Variants in DEFB118 observed in about 807,000 individuals in gnomAD.
The protein encoded by DEFB118 is defensin, beta 18.
Under a neutral mutation model 2.8 loss-of-function variants are expected in DEFB118, and 3 were observed. The observed-to-expected ratio is 1.09, with a 90% CI of 0.50 to 2.82. The LOEUF is 2.82. Among genes scored for constraint, DEFB118 ranks in the 30% most tolerant of loss-of-function variants. The pLI, the probability that DEFB118 is intolerant of heterozygous loss-of-function variation, is 0.04. For missense variants in DEFB118, 159 were observed against 144.6 expected (o/e 1.10, Z -0.51); for synonymous variants, 63 against 53.5 (o/e 1.18, Z -0.78).
chr20:31,372,909 A>C lies in DEFB118; in HGVS notation c.111A>C (p.Gln37His). Reference protein sequence around the residue: ...CWNRSGHCRKQCKDGEAVKDT... With the variant: ...CWNRSGHCRKHCKDGEAVKDT... The stretch of plus-strand genomic sequence containing the variant: ...ACAGATCAGGGCACTGCAGGAAACA[A>C]TGCAAAGATGGAGAAGCAGTGAAAG... The change falls in exon 2 of 2, where the codon CAA becomes CAC. Residue 37 changes from glutamine to histidine, a missense_variant. By Grantham distance (24) the Gln-to-His change is conservative. Coordinates refer to ENST00000253381, the MANE Select transcript of DEFB118 (RefSeq NM_054112.3). The C allele has an allele frequency of 6.2e-7, 1 of 1,614,214 alleles. No homozygotes were observed. Among genetic ancestry groups the C allele is most frequent in the Non-Finnish European group, 8.5e-7 (1 of 1,180,022 alleles).
Position 31,373,077 on chromosome 20 carries a change from C to T in DEFB118, c.279C>T (p.Tyr93=), listed in dbSNP as rs560286972. 4 of 1,614,160 alleles carry T rather than the reference C, an allele frequency of 2.5e-6. No homozygotes were observed. The highest frequency in any genetic ancestry group is 2.2e-5 in the East Asian group (1 of 44,892). ...DILTVRFTTD[Y]FEVSSKKDMV... ...TAACAGTAAGGTTCACGACAGACTA[C>T]TTTGAAGTAAGCAGCAAGAAAGATA... Residue 93 remains tyrosine, a synonymous_variant, in exon 2 of 2, where the codon TAC becomes TAT. Coordinates refer to ENST00000253381, the MANE Select transcript of DEFB118 (RefSeq NM_054112.3).
rs143172639 is a variant in DEFB118 at position 31,373,089 on chromosome 20, C to G, written c.291C>G (p.Ser97Arg). 3 of 1,614,136 alleles carry G rather than the reference C, an allele frequency of 1.9e-6. No individual in the cohort carries two copies. The African/African-American group carries it at 4.0e-5, about 22-fold the overall frequency. Residue 97 changes from serine (S) to arginine (R), a missense_variant, in exon 2 of 2, where the codon AGC becomes AGG. Physicochemically the swap from Ser to Arg is moderately radical, Grantham distance 110 (BLOSUM62 -1). Coordinates refer to ENST00000253381, the MANE Select transcript of DEFB118 (RefSeq NM_054112.3). ...TCACGACAGACTACTTTGAAGTAAG[C>G]AGCAAGAAAGATATGGTTGAAGAGT... is the stretch of plus-strand genomic sequence containing the variant. Reference protein sequence around the residue: ...VRFTTDYFEVSSKKDMVEESE... With the variant: ...VRFTTDYFEVRSKKDMVEESE...
chr20:31,371,305 G>A (rs749821863), intron 1 of DEFB118, among the ~76,000 whole-genome samples: 19 of 151,888 alleles, frequency 1.3e-4, no homozygotes, highest in Non-Finnish European at 2.1e-4. Context: ...AAACCTCAAG[G>A]GAAGTCTTTC....
Position 31,372,975 on chromosome 20 carries a change from T to C in DEFB118, c.177T>C (p.Asn59=). Residue 59 remains asparagine (N), a synonymous_variant, in exon 2 of 2, where the codon AAT becomes AAC. Transcript: ENST00000253381. ...KNLRACCIPS[N]EDHRRVPATS... ...TTCGAGCTTGCTGCATTCCATCCAA[T>C]GAAGACCACAGGCGAGTTCCTGCGA... The C allele has an allele frequency of 3.1e-6, 5 of 1,614,172 alleles. No individual in the cohort carries two copies. Among genetic ancestry groups the C allele is most frequent in the Middle Eastern group, 1.6e-4 (1 of 6,062 alleles).
chr20:31,368,772 C>A, intron 1 of DEFB118, 64 bp downstream of exon 1: 1 of 1,475,390 alleles, frequency 6.8e-7, no homozygotes, highest in South Asian at 1.1e-5. Context: ...ATGAAAATTC[C>A]AATGTGTCAC....
chr20:31,368,723 G>A lies in DEFB118; in HGVS notation c.58+15G>A, dbSNP rs1986159187. On this transcript the variant is annotated intron_variant, in intron 1 of 1. Coordinates refer to ENST00000253381, the MANE Select transcript of DEFB118 (RefSeq NM_054112.3). ...AGTGATCCCAGGTAATCAGAGGTCA[G>A]GGAAGATACAAAAATAGAGGTATAG... 2 of 1,612,170 alleles carry A rather than the reference G, an allele frequency of 1.2e-6. No individual in the cohort carries two copies. Among genetic ancestry groups the A allele is most frequent in the Non-Finnish European group, 1.7e-6 (2 of 1,178,630 alleles).
chr20:31,372,842 C>G lies in DEFB118; in HGVS notation c.59-15C>G. ...CAGTAACCCAAAATCAATGGTCTTTCCTTTTATTATTCAGCCTATAGTGGT... is the reference window on the plus strand; with the variant it reads ...CAGTAACCCAAAATCAATGGTCTTTGCTTTTATTATTCAGCCTATAGTGGT... On this transcript the variant is annotated splice_polypyrimidine_tract_variant and intron_variant, in intron 1 of 1. Coordinates refer to ENST00000253381, the MANE Select transcript of DEFB118 (RefSeq NM_054112.3). 1 of 1,605,340 alleles carries G rather than the reference C, an allele frequency of 6.2e-7. No homozygotes were observed. Among genetic ancestry groups the G allele is most frequent in the Non-Finnish European group, 8.5e-7 (1 of 1,174,008 alleles).
chr20:31,370,876 G>A (rs752714565), intron 1 of DEFB118, among the ~76,000 whole-genome samples: 6 of 151,966 alleles, frequency 3.9e-5, no homozygotes, highest in South Asian at 4.2e-4. Context: ...TCAGCCTCCC[G>A]AGTAGCTGGA....
At chr20:31,369,572 T>C (rs1986178153) in intron 1 of DEFB118, among the ~76,000 whole-genome samples, 1 of 152,114 alleles carries the variant, frequency 6.6e-6, no homozygotes, top group African/African-American at 2.4e-5. Flanking sequence ...GTATTTTTAG[T>C]AGAGATGGGG....
chr20:31,369,670 A>C (rs1291347898), intron 1 of DEFB118, among the ~76,000 whole-genome samples: 1 of 151,952 alleles, frequency 6.6e-6, no homozygotes, highest in Non-Finnish European at 1.5e-5. Flanking sequence ...GATTACAGGC[A>C]TGAGCCACCG....
chr20:31,368,950 A>G (rs1323811329), intron 1 of DEFB118, among the ~76,000 whole-genome samples: 1 of 152,136 alleles, frequency 6.6e-6, no homozygotes, highest in African/African-American at 2.4e-5. Context: ...AAACTAGGGG[A>G]AAGCTCGGCT....
chr20:31,370,022 C>T (rs1460399305), intron 1 of DEFB118, among the ~76,000 whole-genome samples: 2 of 152,046 alleles, frequency 1.3e-5, no homozygotes, highest in African/African-American at 4.8e-5. Flanking sequence ...TTCCTCTGCC[C>T]TCATTGCAGA....
intron 1 of DEFB118, 63 bp from the exon 2 acceptor site, chr20:31,372,794 C>A: frequency 7.7e-7 from 1 of 1,292,520 alleles, no homozygotes; most frequent in South Asian, 1.3e-5. Context: ...GATATACAGT[C>A]ATGCTAGTGA....
At chr20:31,371,596 G>A (rs1267567410) in intron 1 of DEFB118, among the ~76,000 whole-genome samples, 2 of 152,006 alleles carry the variant, frequency 1.3e-5, no homozygotes, top group African/African-American at 2.4e-5. Context: ...TCAGCCTCCT[G>A]AGTAGCTGTG....
At position 31,373,632 on chromosome 20, in the gene DEFB118, C is replaced by T. The variant is rs1986253558; in HGVS notation, c.*462C>T. On this transcript the variant is annotated 3_prime_UTR_variant, in exon 2 of 2. Coordinates refer to ENST00000253381, the MANE Select transcript of DEFB118 (RefSeq NM_054112.3). ...TCAGGTGAAAGCATTCATTCTCCTA[C>T]TAACTATGGCCTTGGAGCCAGGTTT... The T allele has an allele frequency of 6.1e-6, 1 of 162,946 alleles. No homozygotes were observed. Among genetic ancestry groups the T allele is most frequent in the Non-Finnish European group, 1.4e-5 (1 of 73,986 alleles). 10.1% of individuals were successfully genotyped at this position (162,946 alleles called of 1,614,324 possible). A position where few individuals can be genotyped will look rare whatever the true frequency, so the allele number is the denominator to read the frequency against.
At chr20:31,370,473 G>A (rs1986194622) in intron 1 of DEFB118, among the ~76,000 whole-genome samples, 2 of 152,172 alleles carry the variant, frequency 1.3e-5, no homozygotes, top group Admixed American at 1.3e-4. Flanking sequence ...AATATTACAT[G>A]ATCTGGGGTT....
chr20:31,372,857 C>T lies in DEFB118; in HGVS notation c.59C>T (p.Ala20Val). ...MLVLLPQVIP[A>V]YSGEKKCWNR... Reference sequence around the variant, plus strand: ...AATGGTCTTTCCTTTTATTATTCAGCCTATAGTGGTGAAAAAAAATGCTGG... The same window carrying T: ...AATGGTCTTTCCTTTTATTATTCAGTCTATAGTGGTGAAAAAAAATGCTGG... Residue 20 changes from alanine to valine, a missense_variant and splice_region_variant, in exon 2 of 2, where the codon GCC becomes GTC. Physicochemically the swap from Ala to Val is moderately conservative, Grantham distance 64. Transcript: ENST00000253381. 2 of 1,612,810 alleles carry T rather than the reference C, an allele frequency of 1.2e-6. No homozygotes were observed. The highest frequency in any genetic ancestry group is 2.2e-5 in the South Asian group (2 of 91,000).
rs6119978 is a variant in DEFB118, at chr20:31,373,844, G to A, written c.*674G>A. ...CATGGACCCCCAATTGTGGGTGAAAGGATGGATCATTTATCTACCTGATTA... is the reference window on the plus strand; with the variant it reads ...CATGGACCCCCAATTGTGGGTGAAAAGATGGATCATTTATCTACCTGATTA... On this transcript the variant is annotated 3_prime_UTR_variant, in exon 2 of 2. Coordinates refer to ENST00000253381, the MANE Select transcript of DEFB118 (RefSeq NM_054112.3). The A allele has an allele frequency of 6.7e-6, 1 of 148,546 alleles. No individual in the cohort carries two copies. The highest frequency in any genetic ancestry group is 1.5e-5 in the Non-Finnish European group (1 of 67,636). 9.2% of individuals were successfully genotyped at this position (148,546 alleles called of 1,614,324 possible).
At chr20:31,370,846 G>T (rs1306917943) in intron 1 of DEFB118, among the ~76,000 whole-genome samples, 1 of 152,154 alleles carries the variant, frequency 6.6e-6, no homozygotes, top group African/African-American at 2.4e-5. Context: ...TGCCTCGGGG[G>T]TTCAAGCGAT....
Sources: allele counts gnomAD v4.1 joint callset (sites outside exome capture counted in the v4.1 genomes callset), GRCh38; gene constraint gnomAD v4.1.1; transcripts MANE v1.5; gene names NCBI Gene and HGNC (gene_info 2026-07-23, HGNC 2026-07-21).